Variants in CPNE4 observed in about 807,000 individuals in gnomAD.
CPNE4 encodes the protein copine 4, also known as copine-4.
A neutral mutation model predicts 67.9 loss-of-function variants in CPNE4; 25 were observed. The observed-to-expected ratio is 0.37, with a 90% CI of 0.27 to 0.51. CPNE4 has a LOEUF of 0.51. Among genes scored for constraint, CPNE4 ranks in the 20% least tolerant of loss-of-function variants. The pLI, the probability that CPNE4 is intolerant of heterozygous loss-of-function variation, is 0.93. For missense variants in CPNE4, 464 were observed against 690.8 expected (o/e 0.67, Z 3.68); for synonymous variants, 242 against 244.9 (o/e 0.99, Z 0.11).
intron 6 of CPNE4, among the ~76,000 whole-genome samples, chr3:131,670,374 A>G (rs2080378259): frequency 6.6e-6 from 1 of 152,244 alleles, no homozygotes; most frequent in Non-Finnish European, 1.5e-5. Context: ...TTAAGATTAT[A>G]AACTATGTCT....
At chr3:131,802,734 T>TC (rs2084176766) in intron 2 of CPNE4, among the ~76,000 whole-genome samples, 1 of 152,200 alleles carries the variant, frequency 6.6e-6, no homozygotes, top group Non-Finnish European at 1.5e-5. Context: ...CCCTGGAATC[T>TC]CCCCCTGAAA....
intron 1 of CPNE4, among the ~76,000 whole-genome samples, chr3:131,961,669 T>A (rs1314572691): frequency 1.3e-5 from 2 of 151,960 alleles, no homozygotes; most frequent in African/African-American, 4.8e-5. Flanking sequence ...TATTCCTGAC[T>A]CTTAAGATCC....
At chr3:131,726,772 G>T (rs1227867855) in intron 2 of CPNE4, among the ~76,000 whole-genome samples, 1 of 151,984 alleles carries the variant, frequency 6.6e-6, no homozygotes, top group African/African-American at 2.4e-5. Flanking sequence ...CTAACCCCAG[G>T]TCATTCTGAT....
At chr3:131,991,153 G>A (rs1169917025) in intron 1 of CPNE4, among the ~76,000 whole-genome samples, 2 of 135,850 alleles carry the variant, frequency 1.5e-5, no homozygotes, top group African/African-American at 4.9e-5. Context: ...AATTGGTGCT[G>A]AAGGAGTAGG....
intron 11 of CPNE4, 120 bp downstream of exon 11, chr3:131,564,096 T>C: frequency 8.4e-7 from 1 of 1,192,804 alleles, no homozygotes; most frequent in Non-Finnish European, 1.2e-6. Context: ...AATGAAACTT[T>C]TGAAGTCACT....
At chr3:131,702,958 T>C (rs2081336779) in intron 3 of CPNE4, among the ~76,000 whole-genome samples, 1 of 152,166 alleles carries the variant, frequency 6.6e-6, no homozygotes, top group Non-Finnish European at 1.5e-5. Context: ...CCATCTCAGC[T>C]CCAAGGAATG....
chr3:131,571,436 G>A (rs1937332009), intron 10 of CPNE4, among the ~76,000 whole-genome samples: 2 of 152,008 alleles, frequency 1.3e-5, no homozygotes, highest in East Asian at 1.9e-4. Flanking sequence ...TGGGATACCT[G>A]AAAGTACCTC....
chr3:131,898,505 T>C (rs1416812906), intron 2 of CPNE4, among the ~76,000 whole-genome samples: 1 of 152,152 alleles, frequency 6.6e-6, no homozygotes, highest in Non-Finnish European at 1.5e-5. Context: ...GCAACACAGA[T>C]TTCAATTCAA....
intron 1 of CPNE4, among the ~76,000 whole-genome samples, chr3:131,934,156 G>A (rs7635721): frequency 0.17 from 26,510 of 152,048 alleles, 2,867 homozygotes; most frequent in African/African-American, 0.31. Context: ...GTTAAATGCT[G>A]TTATGAGTTA....
chr3:132,033,885 G>A (rs2074293070), intron 1 of CPNE4, among the ~76,000 whole-genome samples: 1 of 152,190 alleles, frequency 6.6e-6, no homozygotes, highest in Non-Finnish European at 1.5e-5. Context: ...TTACTCAGCT[G>A]TGGCTTGGTT....
chr3:131,908,649 GA>G (rs5852666), intron 1 of CPNE4, among the ~76,000 whole-genome samples: 76,973 of 151,876 alleles, frequency 0.51, 20,113 homozygotes, highest in East Asian at 0.66. Flanking sequence ...TATGTGTTAG[GA>G]AATACATATT....
At chr3:132,005,909 T>C (rs2073590251) in intron 1 of CPNE4, among the ~76,000 whole-genome samples, 2 of 152,186 alleles carry the variant, frequency 1.3e-5, no homozygotes, top group Middle Eastern at 3.4e-3. Flanking sequence ...AAACAAAACA[T>C]AATACTACAA....
At chr3:131,954,418 A>G (rs1230649761) in intron 1 of CPNE4, among the ~76,000 whole-genome samples, 1 of 152,190 alleles carries the variant, frequency 6.6e-6, no homozygotes, top group African/African-American at 2.4e-5. Context: ...TAATAAATAT[A>G]AATTTATCTT....
intron 3 of CPNE4, among the ~76,000 whole-genome samples, chr3:131,702,631 A>G (rs1015107770): frequency 1.1e-4 from 16 of 152,228 alleles, no homozygotes; most frequent in African/African-American, 3.6e-4. Context: ...CGGCCCTATA[A>G]TAGCCCACTC....
intron 7 of CPNE4, among the ~76,000 whole-genome samples, chr3:131,609,557 C>A (rs568609441): frequency 1.3e-5 from 2 of 152,186 alleles, no homozygotes; most frequent in East Asian, 3.9e-4. Context: ...ATGAAGACTG[C>A]CCAAGAAAAA....
chr3:131,830,411 G>T (rs1454797214), intron 2 of CPNE4, among the ~76,000 whole-genome samples: 1 of 152,034 alleles, frequency 6.6e-6, no homozygotes, highest in Non-Finnish European at 1.5e-5. Context: ...ATAGATCATT[G>T]TTATTCTATC....
chr3:131,679,413 G>A lies in CPNE4; in HGVS notation c.591+6462C>T, dbSNP rs948450892. On this transcript the variant is annotated intron_variant, in intron 6 of 15. Coordinates refer to ENST00000429747, the MANE Select transcript of CPNE4 (RefSeq NM_130808.3). ...TCATCAATCTTTTGAATGGTTTTTT[G>A]TCTCTCTATCTCCTTCAGTTCAGCT... Among the ~76,000 whole-genome samples the A allele has an allele frequency of 1.1e-4, 16 of 150,904 alleles. 1 individual carries two copies. Among genetic ancestry groups the A allele is most frequent in the Admixed American group, 6.6e-4 (10 of 15,158 alleles).
intron 1 of CPNE4, among the ~76,000 whole-genome samples, chr3:131,952,635 T>G (rs1438574916): frequency 1.5e-5 from 2 of 133,152 alleles, no homozygotes; most frequent in Admixed American, 7.5e-5. Context: ...TCAGCCCCCC[T>G]CCCGGCCAGC....
chr3:131,680,022 G>C (rs755632607), intron 6 of CPNE4, among the ~76,000 whole-genome samples: 31 of 152,012 alleles, frequency 2.0e-4, no homozygotes, highest in Non-Finnish European at 3.4e-4. Flanking sequence ...ATTGTCTGTG[G>C]GGTGTTAAAG....
Sources: allele counts gnomAD v4.1 joint callset (sites outside exome capture counted in the v4.1 genomes callset), GRCh38; gene constraint gnomAD v4.1.1; transcripts MANE v1.5; gene names NCBI Gene and HGNC (gene_info 2026-07-23, HGNC 2026-07-21).